Variants in NFIC observed in about 807,000 individuals in gnomAD.
The protein encoded by NFIC is nuclear factor 1 C-type.
Under a neutral mutation model 54.4 loss-of-function variants are expected in NFIC, and 12 were observed. The observed-to-expected ratio is 0.22, with a 90% CI of 0.14 to 0.36. The LOEUF (loss-of-function observed/expected upper bound fraction) is 0.36, where lower values mean the gene tolerates loss of function less well. Ranked by LOEUF, NFIC falls within the 10% of genes least tolerant of loss-of-function variation. The pLI is 1.00. For synonymous variants in NFIC, 322 were observed against 319.2 expected (o/e 1.01, Z -0.09); for missense variants, 575 against 718.2 (o/e 0.80, Z 2.28).
rs545489634 is a variant in NFIC at position 3,372,708 on chromosome 19, G to C, written c.30+6042G>C. Among the ~76,000 whole-genome samples the C allele has an allele frequency of 3.9e-4, 46 of 117,800 alleles. 2 individuals are homozygous for C. The highest frequency in any genetic ancestry group is 6.5e-4 in the Non-Finnish European group (38 of 58,610). The allele number at this position is 117,800 out of a possible 152,430, so 77.3% of individuals were successfully genotyped here. On this transcript the variant is annotated intron_variant, in intron 1 of 10. Coordinates refer to ENST00000443272, the MANE Select transcript of NFIC (RefSeq NM_001245002.2). ...CTGTTTGCTCAAGGGGCCCAGGAGTGGGGTGGGGGGGTGCCAGGAGGCCCA... is the reference window on the plus strand; with the variant it reads ...CTGTTTGCTCAAGGGGCCCAGGAGTCGGGTGGGGGGGTGCCAGGAGGCCCA...
At chr19:3,429,132 A>ACACACAC (rs1322939958) in intron 3 of NFIC, among the ~76,000 whole-genome samples, 2 of 67,384 alleles carry the variant, frequency 3.0e-5, no homozygotes, top group African/African-American at 1.4e-4. Context: ...CCAAAAAAAA[A>ACACACAC]ATATACACAC....
upstream of NFIC, chr19:3,366,533 G>A: frequency 1.8e-6 from 1 of 543,828 alleles, no homozygotes; most frequent in Non-Finnish European, 2.8e-6. Flanking sequence ...CGGCCGCGGG[G>A]CGGGGGGGGG....
chr19:3,395,583 A>G (rs1203358388), intron 2 of NFIC, among the ~76,000 whole-genome samples: 1 of 151,152 alleles, frequency 6.6e-6, no homozygotes, highest in Non-Finnish European at 1.5e-5. Context: ...TGCAGCCTCA[A>G]TCTCTCAGGC....
intron 3 of NFIC, among the ~76,000 whole-genome samples, chr19:3,426,319 T>C (rs12982098): frequency 6.6e-6 from 1 of 151,798 alleles, no homozygotes; most frequent in African/African-American, 2.4e-5. Flanking sequence ...GCTCAAGTGA[T>C]CCTCCTGTCT....
At chr19:3,447,723 T>C (rs1023375432) in intron 6 of NFIC, among the ~76,000 whole-genome samples, 36 of 152,180 alleles carry the variant, frequency 2.4e-4, no homozygotes, top group African/African-American at 8.4e-4. Context: ...TGAAAAGGGG[T>C]AGACGTGGCA....
At chr19:3,397,725 C>T (rs984243313) in intron 2 of NFIC, among the ~76,000 whole-genome samples, 13 of 152,222 alleles carry the variant, frequency 8.5e-5, no homozygotes. Context: ...ACACCCGCCC[C>T]TTGGGGTCAC....
chr19:3,402,856 G>A lies in NFIC; in HGVS notation c.562+20613G>A, dbSNP rs576605954. Reference sequence around the variant, plus strand: ...TTGGAGGAACAGCGAGGAGGCCCCTGTGGCTGGAGCAGAGTGAGTGAGGGG... The same window carrying A: ...TTGGAGGAACAGCGAGGAGGCCCCTATGGCTGGAGCAGAGTGAGTGAGGGG... On this transcript the variant is annotated intron_variant, in intron 2 of 10. Transcript: ENST00000443272. 2.0e-5 allele frequency among the ~76,000 whole-genome samples: 3 copies of A among 152,316 alleles called. No homozygotes were observed. In the East Asian group the frequency reaches 5.8e-4, roughly 29 times the overall value.
At chr19:3,434,423 C>T (rs766519213) in intron 5 of NFIC, 23 bp downstream of exon 5, 20 of 1,576,590 alleles carry the variant, frequency 1.3e-5, no homozygotes, top group Non-Finnish European at 1.6e-5. Flanking sequence ...GTCCCCACCT[C>T]TGGGCATTTC....
chr19:3,443,085 G>A (rs1360256762), intron 6 of NFIC, among the ~76,000 whole-genome samples: 1 of 152,208 alleles, frequency 6.6e-6, no homozygotes, highest in Admixed American at 6.5e-5. Flanking sequence ...CCCAGGGAAC[G>A]AGCCAGCCCC....
At chr19:3,407,882 AGGG>A (rs2081680219) in intron 2 of NFIC, among the ~76,000 whole-genome samples, 1 of 152,010 alleles carries the variant, frequency 6.6e-6, no homozygotes. Context: ...TAGGAGGGAG[AGGG>A]GCAGGGAAGA....
At chr19:3,393,115 A>G (rs1242062644) in intron 2 of NFIC, among the ~76,000 whole-genome samples, 1 of 151,836 alleles carries the variant, frequency 6.6e-6, no homozygotes, top group African/African-American at 2.4e-5. Context: ...TAATTTTTGT[A>G]TTTTTAGTAG....
chr19:3,370,672 T>C lies in NFIC; in HGVS notation c.30+4006T>C, dbSNP rs941454246. 7.2e-6 allele frequency among the ~76,000 whole-genome samples: 1 copy of C among 139,652 alleles called. No individual in the cohort carries two copies. The highest frequency in any genetic ancestry group is 2.7e-5 in the African/African-American group (1 of 36,462). 91.6% of individuals were successfully genotyped at this position (139,652 alleles called of 152,430 possible). ...CTTTCTCCCTCCCTACCTCCCTCTCTGTTCCTCTTCTTTCTCTCTGTCTGT... is the reference window on the plus strand; with the variant it reads ...CTTTCTCCCTCCCTACCTCCCTCTCCGTTCCTCTTCTTTCTCTCTGTCTGT... On this transcript the variant is annotated intron_variant, in intron 1 of 10. Transcript: ENST00000443272. The surrounding 1 kb of genome is among the most constrained non-coding windows in gnomAD (Gnocchi z 5.2).
rs202069814 is a variant in NFIC, at chr19:3,370,705, T to C, written c.30+4039T>C. Among the ~76,000 whole-genome samples the C allele has an allele frequency of 2.7e-5, 4 of 150,674 alleles. No homozygotes were observed. In the East Asian group the frequency reaches 7.7e-4, roughly 29 times the overall value. ...TTCTTTCTCTCTGTCTGTCTCTTTCTTTCTCCCTCCCTTCCTCTCTCTCTG... is the reference window on the plus strand; with the variant it reads ...TTCTTTCTCTCTGTCTGTCTCTTTCCTTCTCCCTCCCTTCCTCTCTCTCTG... On this transcript the variant is annotated intron_variant, in intron 1 of 10. Coordinates refer to ENST00000443272, the MANE Select transcript of NFIC (RefSeq NM_001245002.2). The surrounding 1 kb of genome is among the most constrained non-coding windows in gnomAD (Gnocchi z 5.2).
At position 3,375,551 on chromosome 19, in the gene NFIC, A is replaced by G. The variant is rs1568403083; in HGVS notation, c.31-6161A>G. ...CCCTCCACCTCCCCTTTGCCTTAGC[A>G]GGTTGGCTGGGGAAGCGGGGGCAGC... On this transcript the variant is annotated intron_variant, in intron 1 of 10. Transcript: ENST00000443272. The surrounding 1 kb of genome is among the most constrained non-coding windows in gnomAD (Gnocchi z 4.6). 6.6e-6 allele frequency among the ~76,000 whole-genome samples: 1 copy of G among 152,230 alleles called. No homozygotes were observed. Among genetic ancestry groups the G allele is most frequent in the East Asian group, 1.9e-4 (1 of 5,196 alleles).
chr19:3,422,685 C>G (rs1034984707), intron 2 of NFIC, among the ~76,000 whole-genome samples: 1 of 152,082 alleles, frequency 6.6e-6, no homozygotes, highest in East Asian at 2.0e-4. Flanking sequence ...CCACTGCACT[C>G]CAGCCTGGGC....
intron 2 of NFIC, among the ~76,000 whole-genome samples, chr19:3,388,119 C>T (rs2081326305): frequency 6.6e-6 from 1 of 152,156 alleles, no homozygotes; most frequent in Non-Finnish European, 1.5e-5. Context: ...TTGCGTCGTG[C>T]CAAGCTCCTG....
chr19:3,359,647 G>A (rs1360275064), exon 1 of NFIC: 2 of 1,357,948 alleles, frequency 1.5e-6, no homozygotes, highest in South Asian at 1.7e-5. Flanking sequence ...GAGCGCGCTC[G>A]CTCCGGCGCC....
intron 2 of NFIC, among the ~76,000 whole-genome samples, chr19:3,388,551 G>A (rs913348479): frequency 1.3e-5 from 2 of 152,144 alleles, no homozygotes; most frequent in Non-Finnish European, 2.9e-5. Context: ...GGCCAGGCGA[G>A]GTGGCTCCTG....
In NFIC at chr19:3,463,565, TTC is replaced by T. The variant is rs1568206335; in HGVS notation, c.*797_*798del. On this transcript the variant is annotated 3_prime_UTR_variant, in exon 11 of 11. Transcript: ENST00000443272. ...GACTCGCTGTCTCGCTGGGGACTCT[TTC>T]AGCCCTCGCGCCCGCCCGTTTGGGA... 1.0e-6 allele frequency: 1 copy of T among 983,624 alleles called. No individual in the cohort carries two copies. The highest frequency in any genetic ancestry group is 1.2e-4 in the East Asian group (1 of 8,534). The allele number at this position is 983,624 out of a possible 1,614,324, so 60.9% of individuals were successfully genotyped here.
Sources: gnomAD v4.1 joint callset for allele counts (sites outside exome capture counted in the v4.1 genomes callset) on GRCh38, gnomAD v4.1.1 for gene constraint, Gnocchi (gnomAD v3.1) non-coding constraint, MANE v1.5 for transcripts, NCBI Gene and HGNC (gene_info 2026-07-23, HGNC 2026-07-21) for gene names.